Variants in ASPSCR1 observed in about 807,000 individuals in gnomAD.
ASPSCR1 encodes tether containing UBX domain for GLUT4.
In ASPSCR1, 55 loss-of-function variants were observed where a neutral mutation model predicts 68.9. The ratio of observed to expected loss-of-function variants is 0.80; its 90% CI spans 0.64 to 1.00. ASPSCR1 has a LOEUF of 1.00. Among genes scored for constraint, ASPSCR1 ranks in the 50% least tolerant of loss-of-function variants. The probability of loss-of-function intolerance (pLI) is 0.00; values close to 1 mark genes in which losing one functional copy is unlikely to be tolerated. For missense variants in ASPSCR1, 765 were observed against 762.2 expected (o/e 1.00, Z -0.04); for synonymous variants, 352 against 332.6 (o/e 1.06, Z -0.63).
chr17:82,016,638 G>A (rs1598440919), intron 13 of ASPSCR1, 111 bp downstream of exon 13: 4 of 1,481,504 alleles, frequency 2.7e-6, no homozygotes, highest in Non-Finnish European at 3.7e-6. Context: ...GGGTCTGAGA[G>A]GGAGATCTGC....
intron 11 of ASPSCR1, 180 bp from the exon 12 acceptor site, chr17:82,012,051 G>A: frequency 1.3e-6 from 1 of 781,470 alleles, no homozygotes; most frequent in Non-Finnish European, 2.2e-6. Context: ...CCCCCCACCG[G>A]CCCTTCCGAG....
chr17:81,981,838 G>A (rs1053924658), intron 2 of ASPSCR1, among the ~76,000 whole-genome samples: 1 of 152,192 alleles, frequency 6.6e-6, no homozygotes, highest in East Asian at 1.9e-4. Context: ...GCTAATTTTT[G>A]TATTTTTAGT....
At chr17:82,012,121 T>A in intron 11 of ASPSCR1, 110 bp from the exon 12 acceptor site, 2 of 1,291,256 alleles carry the variant, frequency 1.5e-6, no homozygotes, top group Non-Finnish European at 2.2e-6. Flanking sequence ...TGAGGGGCTC[T>A]TCTGCCCCAC....
At position 81,999,638 on chromosome 17, in the gene ASPSCR1, A is replaced by G. The variant is rs1286949905; in HGVS notation, c.933+2792A>G. 1.3e-5 allele frequency among the ~76,000 whole-genome samples: 2 copies of G among 151,832 alleles called. No individual in the cohort carries two copies. The highest frequency in any genetic ancestry group is 1.9e-4 in the East Asian group (1 of 5,182). On this transcript the variant is annotated intron_variant, in intron 7 of 15. Transcript: ENST00000306739. This position sits in a 1 kb window ranked among gnomAD's most constrained non-coding sequence, Gnocchi z 4.4. Reference sequence around the variant, plus strand: ...TGAAACTCCATCTCAAAAAAAAAAAAAAAAAAGAAAACAAGAAGTGGCCAG... The same window carrying G: ...TGAAACTCCATCTCAAAAAAAAAAAGAAAAAAGAAAACAAGAAGTGGCCAG...
Position 82,017,379 on chromosome 17 carries a change from C to T in ASPSCR1, c.*57C>T. 6.2e-7 allele frequency: 1 copy of T among 1,610,794 alleles called. No individual in the cohort carries two copies. Among genetic ancestry groups the T allele is most frequent in the Non-Finnish European group, 8.5e-7 (1 of 1,178,938 alleles). On this transcript the variant is annotated 3_prime_UTR_variant, in exon 16 of 16. Transcript: ENST00000306739. ...GCCACAGGACCACCTCCTCTGCCAG[C>T]AGGAATAAAGACTTGTGCATCCCTC...
intron 9 of ASPSCR1, chr17:82,009,898 A>G (rs932593561): frequency 2.1e-5 from 5 of 235,484 alleles, no homozygotes; most frequent in African/African-American, 4.9e-5. Flanking sequence ...TCCCCTGCTC[A>G]TGATTTAGAA....
At chr17:81,984,704 T>C (rs1032736832) in intron 3 of ASPSCR1, among the ~76,000 whole-genome samples, 2 of 151,856 alleles carry the variant, frequency 1.3e-5, no homozygotes, top group African/African-American at 2.4e-5. Flanking sequence ...AGCTGCAATC[T>C]TTTGAAGCCC....
At chr17:82,005,456 G>C (rs970260246) in intron 7 of ASPSCR1, 3 of 152,132 alleles carry the variant, frequency 2.0e-5, no homozygotes, top group Non-Finnish European at 4.4e-5. Flanking sequence ...CTTCTGGAAG[G>C]CTCCTCCTGG....
chr17:81,994,826 G>A lies in ASPSCR1; in HGVS notation c.380G>A (p.Cys127Tyr), dbSNP rs1218224852. The stretch of plus-strand genomic sequence containing the variant: ...TTTCTTTCCTCTCCTCCCAGGGAGT[G>A]CCTGCAGCACCCCGGCGGGGCCACC... The part of the protein sequence containing the change: ...LLSHFPQIRE[C>Y]LQHPGGATPV... The change falls in exon 5 of 16, where the codon TGC (cysteine) becomes TAC (tyrosine). Residue 127 changes from cysteine to tyrosine, a missense_variant. Physicochemically the swap from Cys to Tyr is radical, Grantham distance 194. Transcript: ENST00000306739. The A allele has an allele frequency of 1.2e-6, 2 of 1,613,378 alleles. No homozygotes were observed. The highest frequency in any genetic ancestry group is 1.7e-6 in the Non-Finnish European group (2 of 1,179,958).
rs767050329 is a variant in ASPSCR1, at chr17:81,985,587, C to T, written c.354C>T (p.Leu118=). The T allele has an allele frequency of 6.2e-7, 1 of 1,613,988 alleles. No individual in the cohort carries two copies. The highest frequency in any genetic ancestry group is 1.1e-5 in the South Asian group (1 of 91,092). Reference sequence around the variant, plus strand: ...CAGGCCAGACCCTCTGGGAGCTTCTCAGCCATTTTCCACAGATCAGGTGAG... The same window carrying T: ...CAGGCCAGACCCTCTGGGAGCTTCTTAGCCATTTTCCACAGATCAGGTGAG... ...FCSGQTLWEL[L]SHFPQIRECL... The change falls in exon 4 of 16, where the codon CTC becomes CTT. Residue 118 remains leucine (L), a synonymous_variant. Transcript: ENST00000306739.
In ASPSCR1 at chr17:81,987,775, T is replaced by TG. The variant is rs2042042791; in HGVS notation, c.374+2170dup. Among the ~76,000 whole-genome samples the TG allele has an allele frequency of 6.6e-6, 1 of 151,820 alleles. No individual in the cohort carries two copies. The highest frequency in any genetic ancestry group is 2.4e-5 in the African/African-American group (1 of 41,284). On this transcript the variant is annotated intron_variant, in intron 4 of 15. Transcript: ENST00000306739. This position sits in a 1 kb window ranked among gnomAD's most constrained non-coding sequence, Gnocchi z 5.6. ...GCTGTGGGGGTGGGTTTGGGCGCTT[T>TG]GGAGGAGGTTGCAGTGAGCCGAGAT...
At chr17:81,985,008 C>T (rs2041935510) in intron 3 of ASPSCR1, among the ~76,000 whole-genome samples, 1 of 130,796 alleles carries the variant, frequency 7.6e-6, no homozygotes, top group Admixed American at 7.5e-5. Context: ...CCCCACACAC[C>T]TGCACACACC....
At position 81,996,489 on chromosome 17, in the gene ASPSCR1, C is replaced by A; in HGVS notation, c.576C>A (p.Gly192=). 6.2e-7 allele frequency: 1 copy of A among 1,611,422 alleles called. No individual in the cohort carries two copies. Among genetic ancestry groups the A allele is most frequent in the Admixed American group, 1.7e-5 (1 of 59,914 alleles). The part of the protein sequence containing the change: ...PGSLGSSASA[G]QAAASAPLPL... ...GCCTGGGCTCGTCAGCGTCGGCTGG[C>A]CAGGCAGCCGCCAGCGCTCCACTTC... Residue 192 remains glycine (G), a synonymous_variant, in exon 7 of 16, where the codon GGC becomes GGA. Transcript: ENST00000306739.
At chr17:81,998,176 G>T (rs372360008) in intron 7 of ASPSCR1, among the ~76,000 whole-genome samples, 91 of 152,216 alleles carry the variant, frequency 6.0e-4, no homozygotes, top group African/African-American at 2.1e-3. Context: ...TCTCTCTGTT[G>T]CCCAGGCTGG....
At chr17:81,995,545 A>C in intron 5 of ASPSCR1, 1 of 287,842 alleles carries the variant, frequency 3.5e-6, no homozygotes, top group Non-Finnish European at 6.7e-6. Flanking sequence ...CCCCTTCCTC[A>C]CAGGTCAGAG....
At chr17:81,991,204 A>G (rs1457253185) in intron 4 of ASPSCR1, among the ~76,000 whole-genome samples, 2 of 152,188 alleles carry the variant, frequency 1.3e-5, no homozygotes, top group African/African-American at 2.4e-5. Context: ...GTCCTCTCTC[A>G]GAGGTGCCCC....
Position 81,996,801 on chromosome 17 carries a change from G to T in ASPSCR1, c.888G>T (p.Glu296Asp), listed in dbSNP as rs1432502752. 1 of 1,609,462 alleles carries T rather than the reference G, an allele frequency of 6.2e-7. No homozygotes were observed. The highest frequency in any genetic ancestry group is 1.3e-5 in the African/African-American group (1 of 74,580). Residue 296 changes from glutamate to aspartate, a missense_variant, in exon 7 of 16, where the codon GAG (glutamate) becomes GAT (aspartate). Glu to Asp is a conservative substitution (Grantham distance 45). Transcript: ENST00000306739. The stretch of plus-strand genomic sequence containing the variant: ...GCCAGGATCCCCAGCAGGAGCAGGA[G>T]CAGGAGCGGGAGCGGGATCCCCAGC... ...KSGQDPQQEQ[E>D]QERERDPQQE...
intron 4 of ASPSCR1, among the ~76,000 whole-genome samples, chr17:81,991,741 C>A (rs1295250398): frequency 6.6e-6 from 1 of 152,256 alleles, no homozygotes; most frequent in Non-Finnish European, 1.5e-5. Flanking sequence ...CCTCTGCGGG[C>A]CTCCCTGAGC....
Position 81,996,028 on chromosome 17 carries a change from C to G in ASPSCR1, c.469C>G (p.Gln157Glu). ...GEAALRGTTL[Q>E]SLGLTGGSAT... ...AGCTGCCCTGCGGGGCACGACGCTGCAGTCGCTGGGCCTGACCGGGGGCAG... is the reference window on the plus strand; with the variant it reads ...AGCTGCCCTGCGGGGCACGACGCTGGAGTCGCTGGGCCTGACCGGGGGCAG... The change falls in exon 6 of 16, where the codon CAG (glutamine) becomes GAG (glutamate). Residue 157 changes from glutamine to glutamate, a missense_variant. By Grantham distance (29) the Gln-to-Glu change is conservative. Transcript: ENST00000306739. 6.2e-7 allele frequency: 1 copy of G among 1,610,706 alleles called. No homozygotes were observed. Among genetic ancestry groups the G allele is most frequent in the Non-Finnish European group, 8.5e-7 (1 of 1,179,346 alleles).
Sources: allele counts gnomAD v4.1 joint callset (sites outside exome capture counted in the v4.1 genomes callset), GRCh38; gene constraint gnomAD v4.1.1; non-coding constraint Gnocchi (gnomAD v3.1); transcripts MANE v1.5; gene names NCBI Gene and HGNC (gene_info 2026-07-23, HGNC 2026-07-21).